SH3RF1: variants seen among roughly 807,000 people sequenced by gnomAD.
SH3RF1 encodes SH3 domain containing ring finger 1.
In SH3RF1, 32 loss-of-function variants were observed where a neutral mutation model predicts 74.0. The ratio of observed to expected loss-of-function variants is 0.43; its 90% CI spans 0.33 to 0.58. The LOEUF (loss-of-function observed/expected upper bound fraction) is 0.58. SH3RF1 is among the 20% of genes least tolerant of loss of function. The probability of loss-of-function intolerance (pLI) is 0.05; values close to 1 mark genes in which losing one functional copy is unlikely to be tolerated. For missense variants in SH3RF1, 954 were observed against 1,130.9 expected (o/e 0.84, Z 2.24); for synonymous variants, 396 against 439.6 (o/e 0.90, Z 1.24).
At chr4:169,260,140 C>G (rs114074067) in intron 2 of SH3RF1, among the ~76,000 whole-genome samples, 1,620 of 152,240 alleles carry the variant, frequency 0.011, 30 homozygotes, top group African/African-American at 0.038. Context: ...TCGTGGAATG[C>G]TGAGAAAAGA....
At chr4:169,255,563 G>A (rs1160193745) in intron 2 of SH3RF1, among the ~76,000 whole-genome samples, 2 of 141,834 alleles carry the variant, frequency 1.4e-5, no homozygotes, top group African/African-American at 5.2e-5. Flanking sequence ...AGTCACAAAG[G>A]AATAAAACAC....
intron 6 of SH3RF1, among the ~76,000 whole-genome samples, chr4:169,123,414 A>T (rs541610315): frequency 6.6e-6 from 1 of 152,338 alleles, no homozygotes; most frequent in East Asian, 1.9e-4. Flanking sequence ...TGCTAAAGCG[A>T]CTTTCAATAA....
chr4:169,182,990 T>A (rs936867748), intron 2 of SH3RF1, among the ~76,000 whole-genome samples: 1 of 152,104 alleles, frequency 6.6e-6, no homozygotes, highest in Non-Finnish European at 1.5e-5. Context: ...GAGACCCGGC[T>A]GAGCAACATA....
At chr4:169,156,890 C>T (rs1734068793) in intron 2 of SH3RF1, among the ~76,000 whole-genome samples, 1 of 152,020 alleles carries the variant, frequency 6.6e-6, no homozygotes, top group African/African-American at 2.4e-5. Context: ...AGTACGACAC[C>T]CATGCACCAG....
chr4:169,170,048 G>T (rs1405277565), intron 2 of SH3RF1, among the ~76,000 whole-genome samples: 1 of 151,702 alleles, frequency 6.6e-6, no homozygotes, highest in Non-Finnish European at 1.5e-5. Context: ...AGATTAATGG[G>T]CAGTTTTATT....
intron 10 of SH3RF1, among the ~76,000 whole-genome samples, chr4:169,109,685 C>T (rs1733208158): frequency 8.0e-6 from 1 of 124,812 alleles, no homozygotes; most frequent in Non-Finnish European, 2.0e-5. Context: ...CAAAAACCAA[C>T]AGCAGAAATG....
chr4:169,213,996 G>A (rs1730419472), intron 2 of SH3RF1, among the ~76,000 whole-genome samples: 1 of 152,154 alleles, frequency 6.6e-6, no homozygotes, highest in South Asian at 2.1e-4. Context: ...GCTATTATGG[G>A]GCTTTTGCCT....
chr4:169,110,918 C>T (rs1363097574), intron 10 of SH3RF1, among the ~76,000 whole-genome samples: 3 of 152,068 alleles, frequency 2.0e-5, no homozygotes, highest in African/African-American at 7.2e-5. Flanking sequence ...GCACTTGGGT[C>T]GATACCAGCA....
chr4:169,157,030 T>C (rs1734070805), intron 2 of SH3RF1, among the ~76,000 whole-genome samples: 1 of 152,220 alleles, frequency 6.6e-6, no homozygotes, highest in Non-Finnish European at 1.5e-5. Context: ...CAAGCTTAAC[T>C]TCCTACATTA....
chr4:169,147,079 G>A (rs1733905984), intron 4 of SH3RF1, among the ~76,000 whole-genome samples: 2 of 152,324 alleles, frequency 1.3e-5, no homozygotes, highest in South Asian at 4.1e-4. Flanking sequence ...GTGCTGGGGA[G>A]AGAGACCAAT....
At chr4:169,150,908 A>G (rs566242184) in intron 4 of SH3RF1, among the ~76,000 whole-genome samples, 1 of 152,326 alleles carries the variant, frequency 6.6e-6, no homozygotes, top group East Asian at 1.9e-4. Flanking sequence ...CAAATAGCCT[A>G]GTTTTTAAAA....
intron 2 of SH3RF1, among the ~76,000 whole-genome samples, chr4:169,246,782 G>A (rs1457043292): frequency 6.6e-6 from 1 of 152,200 alleles, no homozygotes; most frequent in African/African-American, 2.4e-5. Flanking sequence ...ATCCACTAAT[G>A]TAAGTCATTT....
intron 2 of SH3RF1, among the ~76,000 whole-genome samples, chr4:169,195,329 C>T (rs1260055665): frequency 6.6e-6 from 1 of 152,132 alleles, no homozygotes; most frequent in Non-Finnish European, 1.5e-5. Flanking sequence ...GTCTTTTTCC[C>T]CCCACTCTGG....
intron 2 of SH3RF1, among the ~76,000 whole-genome samples, chr4:169,189,234 A>C (rs1734659759): frequency 6.6e-6 from 1 of 152,256 alleles, no homozygotes; most frequent in Non-Finnish European, 1.5e-5. Flanking sequence ...CAAAACACTT[A>C]AATTCAGAAA....
At chr4:169,194,879 T>G (rs1309269358) in intron 2 of SH3RF1, among the ~76,000 whole-genome samples, 1 of 152,224 alleles carries the variant, frequency 6.6e-6, no homozygotes, top group African/African-American at 2.4e-5. Flanking sequence ...CTCTCATCTG[T>G]AACAAATGAC....
intron 2 of SH3RF1, among the ~76,000 whole-genome samples, chr4:169,262,229 T>A (rs897729065): frequency 6.6e-6 from 1 of 152,190 alleles, no homozygotes; most frequent in African/African-American, 2.4e-5. Context: ...AGAAACTATA[T>A]GCATACACAT....
intron 2 of SH3RF1, among the ~76,000 whole-genome samples, chr4:169,178,921 A>C (rs1272673333): frequency 6.6e-6 from 1 of 152,214 alleles, no homozygotes; most frequent in African/African-American, 2.4e-5. Flanking sequence ...TGATAGCTTA[A>C]TACAAATGTA....
chr4:169,176,278 G>A (rs781209656), intron 2 of SH3RF1, among the ~76,000 whole-genome samples: 6 of 152,090 alleles, frequency 3.9e-5, no homozygotes, highest in Non-Finnish European at 8.8e-5. Flanking sequence ...TCTGTCATGT[G>A]CCCCCCAAGC....
At chr4:169,098,718 A>C (rs1732970254) in intron 11 of SH3RF1, among the ~76,000 whole-genome samples, 1 of 152,218 alleles carries the variant, frequency 6.6e-6, no homozygotes, top group Non-Finnish European at 1.5e-5. Context: ...AGCATGACAC[A>C]GCGGGAGAAA....
Sources: allele counts gnomAD v4.1 joint callset (sites outside exome capture counted in the v4.1 genomes callset), GRCh38; gene constraint gnomAD v4.1.1; transcripts MANE v1.5; gene names NCBI Gene and HGNC (gene_info 2026-07-23, HGNC 2026-07-21).